ARFGAP3: variants seen among roughly 807,000 people sequenced by gnomAD.
ARFGAP3 encodes ARF GTPase activating protein 3.
A neutral mutation model predicts 75.0 loss-of-function variants in ARFGAP3; 72 were observed. The observed-to-expected ratio is 0.96, with a 90% confidence interval of 0.79 to 1.17. The LOEUF (loss-of-function observed/expected upper bound fraction) is 1.17. ARFGAP3 is among the 50% of genes most tolerant of loss of function. The pLI is 0.00. For missense variants in ARFGAP3, 620 were observed against 626.6 expected, an observed-to-expected ratio of 0.99 and a Z score of 0.11; for synonymous variants, 221 against 217.9, an observed-to-expected ratio of 1.01 and a Z score of -0.13.
chr22:42,824,247 C>T (rs1925944559), intron 7 of ARFGAP3, among the ~76,000 whole-genome samples: 1 of 144,438 alleles, frequency 6.9e-6, no homozygotes, highest in Admixed American at 7.3e-5. Flanking sequence ...GACTCCTGGG[C>T]TCAAGTGATG....
intron 9 of ARFGAP3, among the ~76,000 whole-genome samples, chr22:42,819,227 A>G (rs933193818): frequency 1.3e-5 from 2 of 152,220 alleles, no homozygotes; most frequent in Admixed American, 6.5e-5. Context: ...CTCTTCCTAC[A>G]GAACAGGTTA....
intron 4 of ARFGAP3, among the ~76,000 whole-genome samples, chr22:42,834,897 C>A (rs1926451717): frequency 6.6e-6 from 1 of 152,152 alleles, no homozygotes; most frequent in South Asian, 2.1e-4. Flanking sequence ...TAAGATGCCT[C>A]TCAAGTGCAG....
intron 1 of ARFGAP3, among the ~76,000 whole-genome samples, chr22:42,854,817 C>T (rs1408603242): frequency 1.3e-5 from 2 of 152,106 alleles, no homozygotes; most frequent in Admixed American, 6.6e-5. Context: ...TTTTAAAATG[C>T]TATTGTTATC....
intron 14 of ARFGAP3, among the ~76,000 whole-genome samples, chr22:42,802,900 C>T (rs1924943536): frequency 6.6e-6 from 1 of 152,128 alleles, no homozygotes; most frequent in Admixed American, 6.5e-5. Flanking sequence ...ACACCTGGCC[C>T]AAAATAAGAA....
chr22:42,856,750 G>T (rs1927518522), intron 1 of ARFGAP3, among the ~76,000 whole-genome samples: 1 of 151,854 alleles, frequency 6.6e-6, no homozygotes, highest in Non-Finnish European at 1.5e-5. Context: ...AGCAGCCGGG[G>T]TTTCCGAGCC....
At chr22:42,807,662 A>G (rs1213825244) in intron 13 of ARFGAP3, among the ~76,000 whole-genome samples, 3 of 152,166 alleles carry the variant, frequency 2.0e-5, no homozygotes, top group Non-Finnish European at 2.9e-5. Context: ...CATTCAGCAC[A>G]TTTTAGGAAA....
At chr22:42,856,808 T>G (rs1433833466) in intron 1 of ARFGAP3, among the ~76,000 whole-genome samples, 6 of 126,406 alleles carry the variant, frequency 4.7e-5, no homozygotes, top group Non-Finnish European at 1.0e-4. Context: ...CGCCCCCGCC[T>G]CCGCTCAGAG....
rs369221032 is a variant in ARFGAP3, at chr22:42,812,669, A to G, written c.1065-1725T>C. 1.8e-4 allele frequency among the ~76,000 whole-genome samples: 27 copies of G among 152,336 alleles called. No individual in the cohort carries two copies. In the East Asian group the frequency reaches 5.0e-3, roughly 28 times the overall value. On this transcript the variant is annotated intron_variant, in intron 11 of 15. Coordinates refer to ENST00000263245, the MANE Select transcript of ARFGAP3 (RefSeq NM_014570.5). ...CTCTTTCTTGGCAGAAAACAAAACG[A>G]AACAAAAAAGGGACAGAGGATAAAC...
chr22:42,813,092 A>T (rs1266075938), intron 11 of ARFGAP3, among the ~76,000 whole-genome samples: 1 of 152,254 alleles, frequency 6.6e-6, no homozygotes, highest in African/African-American at 2.4e-5. Flanking sequence ...ACCATGAAAG[A>T]ACTAAGATCA....
At chr22:42,837,675 C>CCTTT (rs772450556) in intron 3 of ARFGAP3, among the ~76,000 whole-genome samples, 1 of 75,662 alleles carries the variant, frequency 1.3e-5, no homozygotes, top group Non-Finnish European at 2.1e-5. Flanking sequence ...AGGCATACTT[C>CCTTT]TTTTTTTTTT....
At chr22:42,819,906 A>G (rs1925738280) in intron 9 of ARFGAP3, among the ~76,000 whole-genome samples, 2 of 152,246 alleles carry the variant, frequency 1.3e-5, no homozygotes, top group African/African-American at 4.8e-5. Flanking sequence ...CAAGGCCATG[A>G]AAGTTGCCAA....
At chr22:42,803,793 C>T (rs1924986558) in intron 14 of ARFGAP3, among the ~76,000 whole-genome samples, 1 of 152,172 alleles carries the variant, frequency 6.6e-6, no homozygotes, top group Non-Finnish European at 1.5e-5. Flanking sequence ...CTAGAAACAC[C>T]CCCAGAAAGC....
At chr22:42,802,230 T>C (rs1924893462) in intron 14 of ARFGAP3, among the ~76,000 whole-genome samples, 1 of 151,594 alleles carries the variant, frequency 6.6e-6, no homozygotes, top group Admixed American at 6.6e-5. Context: ...TATGGGTCTA[T>C]GGTGTGACGT....
intron 14 of ARFGAP3, among the ~76,000 whole-genome samples, chr22:42,800,803 C>T (rs1924820886): frequency 6.6e-6 from 1 of 152,140 alleles, no homozygotes; most frequent in Non-Finnish European, 1.5e-5. Flanking sequence ...GCTGGAGGGG[C>T]CGGGTGGCCA....
intron 9 of ARFGAP3, 94 bp downstream of exon 9, chr22:42,822,176 C>A: frequency 9.9e-7 from 1 of 1,013,460 alleles, no homozygotes; most frequent in Non-Finnish European, 1.5e-6. Flanking sequence ...TCCCTTCCCC[C>A]CCCACACAAA....
Position 42,835,348 on chromosome 22 carries a change from C to T in ARFGAP3, c.393+14G>A, listed in dbSNP as rs1285268018. 1.9e-6 allele frequency: 3 copies of T among 1,612,450 alleles called. No individual in the cohort carries two copies. The highest frequency in any genetic ancestry group is 4.5e-5 in the East Asian group (2 of 44,852). ...ATGTATCTAAAGGAAACAATCCAGC[C>T]TCCAGTGACTTACATCAGTGCCATG... On this transcript the variant is annotated intron_variant, in intron 4 of 15. Transcript: ENST00000263245.
At chr22:42,851,427 C>G (rs1216741841) in intron 1 of ARFGAP3, among the ~76,000 whole-genome samples, 1 of 152,228 alleles carries the variant, frequency 6.6e-6, no homozygotes, top group Non-Finnish European at 1.5e-5. Flanking sequence ...ATCACCTAAG[C>G]TAAGGGATTG....
intron 15 of ARFGAP3, 96 bp from the exon 16 acceptor site, chr22:42,797,701 A>G (rs1465365278): frequency 3.7e-6 from 6 of 1,611,950 alleles, no homozygotes; most frequent in East Asian, 2.2e-5. Context: ...TTGACACTGC[A>G]GCCCATGTCA....
intron 6 of ARFGAP3, chr22:42,827,212 T>C (rs1219241586): frequency 2.3e-6 from 1 of 442,092 alleles, no homozygotes; most frequent in Admixed American, 6.4e-5. Context: ...AATGGCTTTA[T>C]CAAATAAAAA....
Sources: gnomAD v4.1 joint callset for allele counts (sites outside exome capture counted in the v4.1 genomes callset) on GRCh38, gnomAD v4.1.1 for gene constraint, MANE v1.5 for transcripts, NCBI Gene and HGNC (gene_info 2026-07-23, HGNC 2026-07-21) for gene names.